PACS1: variants seen among roughly 807,000 people sequenced by gnomAD.
PACS1 encodes PACS-1.
In PACS1, 24 loss-of-function variants were observed where a neutral mutation model predicts 115.0. That is an observed-to-expected ratio of 0.21 (90% CI 0.15 to 0.29). PACS1 has a LOEUF of 0.29. PACS1 is among the 10% of genes least tolerant of loss of function. PACS1 has a pLI of 1.00. For synonymous variants in PACS1, 453 were observed against 504.5 expected, an observed-to-expected ratio of 0.90 and a Z score of 1.37; for missense variants, 838 against 1,251.2, an observed-to-expected ratio of 0.67 and a Z score of 4.98.
chr11:66,086,263 C>T (rs1857566839), intron 1 of PACS1, among the ~76,000 whole-genome samples: 1 of 151,716 alleles, frequency 6.6e-6, no homozygotes. Flanking sequence ...CTCAGCCTCC[C>T]GAGTAGCTGG....
intron 1 of PACS1, among the ~76,000 whole-genome samples, chr11:66,134,606 A>G (rs1858798801): frequency 6.6e-6 from 1 of 151,712 alleles, no homozygotes; most frequent in Admixed American, 6.6e-5. Flanking sequence ...AAGCATTTCC[A>G]ATGGCTTATA....
chr11:66,168,799 C>T (rs1859670591), intron 1 of PACS1, among the ~76,000 whole-genome samples: 2 of 147,754 alleles, frequency 1.4e-5, no homozygotes, highest in African/African-American at 2.6e-5. Context: ...CACACATTTA[C>T]ATTTTTTAAT....
intron 1 of PACS1, among the ~76,000 whole-genome samples, chr11:66,092,197 T>TTA (rs1251604692): frequency 5.9e-5 from 9 of 152,154 alleles, no homozygotes; most frequent in Admixed American, 5.9e-4. Context: ...TTTCTTGACT[T>TTA]TTTAATGATT....
intron 2 of PACS1, among the ~76,000 whole-genome samples, chr11:66,206,314 A>G (rs1854937660): frequency 6.6e-6 from 1 of 152,216 alleles, no homozygotes; most frequent in African/African-American, 2.4e-5. Context: ...AAAGTATATT[A>G]AAAATAATTT....
At chr11:66,211,057 A>C in intron 3 of PACS1, 77 bp from the exon 4 acceptor site, 2 of 1,525,200 alleles carry the variant, frequency 1.3e-6, no homozygotes, top group Non-Finnish European at 1.8e-6. Flanking sequence ...AAGCACAGAA[A>C]GACTGTGTGT....
At chr11:66,130,828 G>A (rs1858683971) in intron 1 of PACS1, among the ~76,000 whole-genome samples, 1 of 152,114 alleles carries the variant, frequency 6.6e-6, no homozygotes, top group Non-Finnish European at 1.5e-5. Context: ...CAGAACTTTG[G>A]GGAGGCTGAG....
At chr11:66,073,657 C>G (rs1857349056) in intron 1 of PACS1, among the ~76,000 whole-genome samples, 1 of 152,190 alleles carries the variant, frequency 6.6e-6, no homozygotes, top group African/African-American at 2.4e-5. Context: ...CCCCAGAATA[C>G]ATAGTACTTT....
chr11:66,144,520 G>C (rs1436423225), intron 1 of PACS1, among the ~76,000 whole-genome samples: 12 of 152,142 alleles, frequency 7.9e-5, no homozygotes, highest in Non-Finnish European at 1.8e-4. Flanking sequence ...CATTTATTTG[G>C]TTTATTGTTA....
chr11:66,207,101 AT>A (rs1854958627), intron 2 of PACS1, among the ~76,000 whole-genome samples: 4 of 152,132 alleles, frequency 2.6e-5, no homozygotes, highest in African/African-American at 7.2e-5. Flanking sequence ...ACATCATAAC[AT>A]TTCACCCACA....
At chr11:66,184,007 C>A (rs1286275691) in intron 1 of PACS1, among the ~76,000 whole-genome samples, 1 of 152,056 alleles carries the variant, frequency 6.6e-6, no homozygotes. Flanking sequence ...TCAATCTGGT[C>A]CAGAGTTCTG....
chr11:66,086,148 T>C (rs1274252765), intron 1 of PACS1, among the ~76,000 whole-genome samples: 2 of 148,994 alleles, frequency 1.3e-5, no homozygotes, highest in Non-Finnish European at 3.0e-5. Context: ...TTTTTTTTTT[T>C]TTTTTTTGAG....
intron 1 of PACS1, among the ~76,000 whole-genome samples, chr11:66,101,320 G>C (rs1857912523): frequency 6.6e-6 from 1 of 152,034 alleles, no homozygotes; most frequent in Admixed American, 6.5e-5. Flanking sequence ...TCATGCTTTT[G>C]TTCATTCTTG....
At chr11:66,080,195 T>C (rs993401010) in intron 1 of PACS1, among the ~76,000 whole-genome samples, 3 of 152,266 alleles carry the variant, frequency 2.0e-5, no homozygotes, top group Admixed American at 2.0e-4. Flanking sequence ...CTATCTGTTA[T>C]GCACAATTCA....
chr11:66,152,891 C>G (rs1859273000), intron 1 of PACS1, among the ~76,000 whole-genome samples: 1 of 152,050 alleles, frequency 6.6e-6, no homozygotes, highest in Non-Finnish European at 1.5e-5. Context: ...AATCCAGTAT[C>G]CAGAGAAACA....
In PACS1 at chr11:66,232,258, CACT is replaced by C; in HGVS notation, c.1714_1716del (p.Thr572del). ...CAGAAAATGTCATTCTGGTGAACAC[CACT>C]GACTGGCAGGGCCAGGTAAGTGCTG... On this transcript the variant is annotated inframe_deletion, in exon 14 of 24. Coordinates refer to ENST00000320580, the MANE Select transcript of PACS1 (RefSeq NM_018026.4). The C allele has an allele frequency of 6.2e-7, 1 of 1,609,418 alleles. No individual in the cohort carries two copies. The highest frequency in any genetic ancestry group is 8.5e-7 in the Non-Finnish European group (1 of 1,175,758).
chr11:66,146,997 C>T (rs2134602507), intron 1 of PACS1, among the ~76,000 whole-genome samples: 1 of 152,326 alleles, frequency 6.6e-6, no homozygotes, highest in South Asian at 2.1e-4. Context: ...GTGGAGCTTG[C>T]AGTGAGCCGA....
Position 66,233,648 on chromosome 11 carries a change from C to T in PACS1, c.1839-137C>T. The stretch of plus-strand genomic sequence containing the variant: ...CACTGTGGCTTATTCCCTGTATGAT[C>T]CTCTCTGTTTTATTTTGTGGATTGG... On this transcript the variant is annotated intron_variant, in intron 15 of 23. Transcript: ENST00000320580. The surrounding 1 kb of genome is among the most constrained non-coding windows in gnomAD (Gnocchi z 4.5). The T allele has an allele frequency of 1.3e-6, 1 of 777,240 alleles. No individual in the cohort carries two copies. The highest frequency in any genetic ancestry group is 1.7e-5 in the African/African-American group (1 of 57,274). 48.1% of individuals were successfully genotyped at this position (777,240 alleles called of 1,614,324 possible). A position where few individuals can be genotyped will look rare whatever the true frequency, so the allele number is the denominator to read the frequency against.
At position 66,243,436 on chromosome 11, in the gene PACS1, C is replaced by T. The variant is rs1052620881; in HGVS notation, c.*156C>T. 13 of 611,478 alleles carry T rather than the reference C, an allele frequency of 2.1e-5. No individual in the cohort carries two copies. The highest frequency in any genetic ancestry group is 3.7e-5 in the African/African-American group (2 of 54,226). The allele number at this position is 611,478 out of a possible 1,614,324, so 37.9% of individuals were successfully genotyped here. A position where few individuals can be genotyped will look rare whatever the true frequency, so the allele number is the denominator to read the frequency against. Reference sequence around the variant, plus strand: ...GTCCCGAAGGACACTGCCACAGGGACGCCTTCCCTCCCCTCCCCTCCAGCC... The same window carrying T: ...GTCCCGAAGGACACTGCCACAGGGATGCCTTCCCTCCCCTCCCCTCCAGCC... On this transcript the variant is annotated 3_prime_UTR_variant, in exon 24 of 24. Transcript: ENST00000320580.
chr11:66,100,463 A>G (rs1160445759), intron 1 of PACS1, among the ~76,000 whole-genome samples: 1 of 152,190 alleles, frequency 6.6e-6, no homozygotes, highest in Admixed American at 6.5e-5. Flanking sequence ...AGTAGGTGGA[A>G]GCAGGAAAAC....
Sources: gnomAD v4.1 joint callset for allele counts (sites outside exome capture counted in the v4.1 genomes callset) on GRCh38, gnomAD v4.1.1 for gene constraint, Gnocchi (gnomAD v3.1) non-coding constraint, MANE v1.5 for transcripts, NCBI Gene and HGNC (gene_info 2026-07-23, HGNC 2026-07-21) for gene names.